CDIN1: variants seen among roughly 807,000 people sequenced by gnomAD.
CDIN1 encodes the protein CDAN1-interacting nuclease 1.
Under a neutral mutation model 45.3 loss-of-function variants are expected in CDIN1, and 33 were observed. The ratio of observed to expected loss-of-function variants is 0.73; its 90% CI spans 0.55 to 0.97. The LOEUF (loss-of-function observed/expected upper bound fraction) is 0.97. Ranked by LOEUF, CDIN1 falls within the 50% of genes least tolerant of loss-of-function variation. CDIN1 has a pLI of 0.00. For synonymous variants in CDIN1, 118 were observed against 124.4 expected, an observed-to-expected ratio of 0.95 and a Z score of 0.34; for missense variants, 303 against 339.4, an observed-to-expected ratio of 0.89 and a Z score of 0.84.
chr15:36,709,296 C>T lies in CDIN1; in HGVS notation c.610+8C>T. On this transcript the variant is annotated splice_region_variant and intron_variant, in intron 9 of 10. Transcript: ENST00000566621. Reference sequence around the variant, plus strand: ...TTTTACAAGTACCAGTTGGTAAGTTCTTTAACTCTGTTATGCATTTGTTTT... The same window carrying T: ...TTTTACAAGTACCAGTTGGTAAGTTTTTTAACTCTGTTATGCATTTGTTTT... 1.3e-6 allele frequency: 2 copies of T among 1,597,172 alleles called. No homozygotes were observed. Among genetic ancestry groups the T allele is most frequent in the African/African-American group, 1.3e-5 (1 of 74,716 alleles).
In CDIN1 at chr15:36,609,976, C is replaced by T. The variant is rs188600325; in HGVS notation, c.101+30015C>T. ...ATGAGAGCTTCTGCCTTGTACAGCT[C>T]TCTGTGTGACCACATGCTTTAGCTC... On this transcript the variant is annotated intron_variant, in intron 1 of 10. Transcript: ENST00000566621. 3.0e-3 allele frequency among the ~76,000 whole-genome samples: 452 copies of T among 152,342 alleles called. 2 individuals are homozygous for T. The highest frequency in any genetic ancestry group is 0.024 in the Middle Eastern group (7 of 294).
intron 10 of CDIN1, among the ~76,000 whole-genome samples, chr15:36,777,269 T>G (rs2054243202): frequency 6.6e-6 from 1 of 152,150 alleles, no homozygotes. Flanking sequence ...TACTTGAGCT[T>G]AAATTGTTTT....
At chr15:36,691,873 C>T (rs1018715589) in intron 6 of CDIN1, 109 bp downstream of exon 6, 6 of 905,234 alleles carry the variant, frequency 6.6e-6, no homozygotes, top group Non-Finnish European at 8.6e-6. Context: ...TCACTGAGGT[C>T]AGGGTGCACC....
chr15:36,800,903 G>GTA lies in CDIN1; in HGVS notation c.717-7420_717-7419insAT, dbSNP rs1372710724. Among the ~76,000 whole-genome samples, 18 of 20,022 alleles carry GTA rather than the reference G, an allele frequency of 9.0e-4. No individual in the cohort carries two copies. In the East Asian group the frequency reaches 9.2e-3, roughly 10 times the overall value. The allele number at this position is 20,022 out of a possible 152,430, so 13.1% of individuals were successfully genotyped here. A position where few individuals can be genotyped will look rare whatever the true frequency, so the allele number is the denominator to read the frequency against. Reference sequence around the variant, plus strand: ...TATGTGTGTGTGTGTGTGTGTGTGTGTGTGTGTATATATATATATATATAT... The same window carrying GTA: ...TATGTGTGTGTGTGTGTGTGTGTGTGTATGTGTGTATATATATATATATATAT... On this transcript the variant is annotated intron_variant, in intron 10 of 10. Transcript: ENST00000566621.
chr15:36,738,454 G>A (rs1405544362), intron 10 of CDIN1, among the ~76,000 whole-genome samples: 1 of 152,038 alleles, frequency 6.6e-6, no homozygotes, highest in Admixed American at 6.6e-5. Flanking sequence ...CAGAGTAAGA[G>A]CCAAAATCAG....
rs537346071 is a variant in CDIN1 at position 36,781,358 on chromosome 15, G to A, written c.717-26966G>A. On this transcript the variant is annotated intron_variant, in intron 10 of 10. Transcript: ENST00000566621. ...GACCTTAGGCATTATCTGAGATTAC[G>A]GCCTTTTCATTTACAGATGAGGAAA... Among the ~76,000 whole-genome samples the A allele has an allele frequency of 4.6e-5, 7 of 152,232 alleles. No individual in the cohort carries two copies. The South Asian group carries it at 8.3e-4, about 18-fold the overall frequency.
chr15:36,603,030 T>C (rs1023919404), intron 1 of CDIN1, among the ~76,000 whole-genome samples: 14 of 152,140 alleles, frequency 9.2e-5, no homozygotes, highest in Admixed American at 2.0e-4. Flanking sequence ...GGCAGCATCA[T>C]TGGTGCTAAA....
intron 1 of CDIN1, among the ~76,000 whole-genome samples, chr15:36,624,869 A>G (rs1475409022): frequency 6.6e-6 from 1 of 152,154 alleles, no homozygotes; most frequent in Non-Finnish European, 1.5e-5. Context: ...GTGACCAGTC[A>G]TTTTTGCGGG....
Position 36,618,476 on chromosome 15 carries a change from C to G in CDIN1, c.102-25802C>G, listed in dbSNP as rs2039001167. On this transcript the variant is annotated intron_variant, in intron 1 of 10. Coordinates refer to ENST00000566621, the MANE Select transcript of CDIN1 (RefSeq NM_001321759.2). ...AAGATGTCAATCTCAAGACCTCATC[C>G]TTCAACAGCTGAATCAAAGCCTCCA... 4 of 1,181,830 alleles carry G rather than the reference C, an allele frequency of 3.4e-6. No homozygotes were observed. The South Asian group carries it at 3.7e-5, about 11-fold the overall frequency. 73.2% of individuals were successfully genotyped at this position (1,181,830 alleles called of 1,614,324 possible). A position where few individuals can be genotyped will look rare whatever the true frequency, so the allele number is the denominator to read the frequency against.
chr15:36,794,800 C>G (rs573713672), intron 10 of CDIN1, among the ~76,000 whole-genome samples: 1 of 152,242 alleles, frequency 6.6e-6, no homozygotes, highest in Admixed American at 6.5e-5. Context: ...CAAAATGCTC[C>G]TAGTCTAAAA....
At chr15:36,764,062 G>C (rs1282784772) in intron 10 of CDIN1, among the ~76,000 whole-genome samples, 1 of 152,148 alleles carries the variant, frequency 6.6e-6, no homozygotes, top group Admixed American at 6.5e-5. Flanking sequence ...GGGTGGAGGA[G>C]GGAATCAGTT....
At chr15:36,620,133 C>T (rs1379096479) in intron 1 of CDIN1, among the ~76,000 whole-genome samples, 10 of 151,964 alleles carry the variant, frequency 6.6e-5, no homozygotes, top group East Asian at 1.9e-4. Flanking sequence ...GGGCGGATCA[C>T]GAGGTCAGGA....
chr15:36,643,962 G>A (rs540396029), intron 1 of CDIN1, among the ~76,000 whole-genome samples: 18 of 152,264 alleles, frequency 1.2e-4, no homozygotes, highest in Middle Eastern at 6.8e-3. Context: ...GATAAGCCTT[G>A]CTTTCTTGTG....
chr15:36,773,731 T>G (rs2054137369), intron 10 of CDIN1, among the ~76,000 whole-genome samples: 2 of 152,220 alleles, frequency 1.3e-5, no homozygotes, highest in African/African-American at 4.8e-5. Context: ...CTAGATATTA[T>G]TATAGTGTAG....
At chr15:36,801,125 G>A (rs897436501) in intron 10 of CDIN1, among the ~76,000 whole-genome samples, 3 of 150,604 alleles carry the variant, frequency 2.0e-5, no homozygotes, top group East Asian at 1.9e-4. Flanking sequence ...ATTGAGAATT[G>A]TTTGTTTCAT....
chr15:36,782,729 A>C (rs1349327716), intron 10 of CDIN1, among the ~76,000 whole-genome samples: 1 of 152,204 alleles, frequency 6.6e-6, no homozygotes, highest in Non-Finnish European at 1.5e-5. Context: ...TATTATAGAA[A>C]TATTTTAGTC....
At chr15:36,730,891 A>C (rs952261238) in intron 10 of CDIN1, among the ~76,000 whole-genome samples, 1 of 152,098 alleles carries the variant, frequency 6.6e-6, no homozygotes, top group African/African-American at 2.4e-5. Flanking sequence ...TTCCTAAATC[A>C]CCTGTTTCAT....
At chr15:36,621,879 T>G (rs956640280) in intron 1 of CDIN1, among the ~76,000 whole-genome samples, 4 of 151,844 alleles carry the variant, frequency 2.6e-5, no homozygotes, top group Admixed American at 2.6e-4. Flanking sequence ...TCAGTTTTTT[T>G]TTTTTTCCTC....
chr15:36,646,188 T>G (rs2040320547), intron 3 of CDIN1, among the ~76,000 whole-genome samples: 1 of 152,184 alleles, frequency 6.6e-6, no homozygotes, highest in Admixed American at 6.5e-5. Context: ...TGATTTTAGA[T>G]GAATGATTTT....
Sources: allele counts gnomAD v4.1 joint callset (sites outside exome capture counted in the v4.1 genomes callset), GRCh38; gene constraint gnomAD v4.1.1; transcripts MANE v1.5; gene names NCBI Gene and HGNC (gene_info 2026-07-23, HGNC 2026-07-21).